RSPO2: variants seen among roughly 807,000 people sequenced by gnomAD.
RSPO2 encodes R-spondin-2.
RSPO2 carries 14 observed loss-of-function variants against 30.9 expected under a neutral mutation model. That is an observed-to-expected ratio of 0.45 (90% CI 0.30 to 0.71). The LOEUF is 0.71. Ranked by LOEUF, RSPO2 falls within the 30% of genes least tolerant of loss-of-function variation. RSPO2 has a pLI of 0.08. For missense variants in RSPO2, 264 were observed against 301.9 expected (o/e 0.87, Z 0.93); for synonymous variants, 107 against 96.4 (o/e 1.11, Z -0.64).
In RSPO2 at chr8:108,013,864, C is replaced by G. The variant is rs377075282; in HGVS notation, c.95-24620G>C. On this transcript the variant is annotated intron_variant, in intron 2 of 5. Transcript: ENST00000276659. ...AATTGACAAATGGGATCTAATAAAA[C>G]TAAAGAGCTTCTGCACAGCAAGAGA... Among the ~76,000 whole-genome samples the G allele has an allele frequency of 3.0e-4, 46 of 152,222 alleles. 1 individual carries two copies. In the South Asian group the frequency reaches 4.8e-3, roughly 16 times the overall value.
chr8:107,980,305 T>C (rs1814380211), intron 3 of RSPO2, among the ~76,000 whole-genome samples: 1 of 152,196 alleles, frequency 6.6e-6, no homozygotes, highest in African/African-American at 2.4e-5. Context: ...TAAGCTGTAT[T>C]AAGCAGGCTA....
chr8:108,080,384 G>A (rs1433742722), intron 2 of RSPO2, among the ~76,000 whole-genome samples: 1 of 152,058 alleles, frequency 6.6e-6, no homozygotes, highest in South Asian at 2.1e-4. Context: ...CAATTTACAC[G>A]TTCTTGAAAG....
chr8:108,070,334 G>A lies in RSPO2; in HGVS notation c.94+12211C>T, dbSNP rs373126770. ...AGAGTCTCGCTCTGTCGCCCAGGCC[G>A]GACTGCGGACTGCAGTGGTGCAATC... On this transcript the variant is annotated intron_variant, in intron 2 of 5. Coordinates refer to ENST00000276659, the MANE Select transcript of RSPO2 (RefSeq NM_178565.5). Among the ~76,000 whole-genome samples, 738 of 139,668 alleles carry A rather than the reference G, an allele frequency of 5.3e-3. 9 individuals are homozygous for A. The highest frequency in any genetic ancestry group is 0.019 in the African/African-American group (691 of 36,910). The allele number at this position is 139,668 out of a possible 152,430, so 91.6% of individuals were successfully genotyped here.
At chr8:107,917,966 T>A (rs1812030657) in intron 5 of RSPO2, among the ~76,000 whole-genome samples, 1 of 152,128 alleles carries the variant, frequency 6.6e-6, no homozygotes, top group Admixed American at 6.6e-5. Flanking sequence ...TTTTTATGGG[T>A]GCTATTGAAT....
rs1188201227 is a variant in RSPO2, at chr8:107,900,872, T to C, written c.*203A>G. On this transcript the variant is annotated 3_prime_UTR_variant, in exon 6 of 6. Coordinates refer to ENST00000276659, the MANE Select transcript of RSPO2 (RefSeq NM_178565.5). ...GCCAAGTCACGGGCTGTGCACTTAC[T>C]CCTGCCTTCACAGTCTCCAGATTCA... 2 of 520,374 alleles carry C rather than the reference T, an allele frequency of 3.8e-6. No individual in the cohort carries two copies. The highest frequency in any genetic ancestry group is 6.7e-6 in the Non-Finnish European group (2 of 299,210). The allele number at this position is 520,374 out of a possible 1,614,324, so 32.2% of individuals were successfully genotyped here. A position where few individuals can be genotyped will look rare whatever the true frequency, so the allele number is the denominator to read the frequency against.
At chr8:107,910,993 T>C (rs553484070) in intron 5 of RSPO2, among the ~76,000 whole-genome samples, 1 of 152,312 alleles carries the variant, frequency 6.6e-6, no homozygotes, top group African/African-American at 2.4e-5. Context: ...TACACTCATG[T>C]CAACTGAGAG....
At chr8:107,955,780 C>T (rs1040831457) in intron 5 of RSPO2, among the ~76,000 whole-genome samples, 1 of 152,166 alleles carries the variant, frequency 6.6e-6, no homozygotes, top group Non-Finnish European at 1.5e-5. Context: ...TTTTAATGTG[C>T]TGCTGCTTTA....
At chr8:107,956,685 AACCACAATTGGGGG>A in intron 5 of RSPO2, among the ~76,000 whole-genome samples, 1 of 152,270 alleles carries the variant, frequency 6.6e-6, no homozygotes, top group Admixed American at 6.5e-5. Context: ...TATTAATGTA[AACCACAATTGGGGG>A]ACCACATTGC....
chr8:108,073,742 T>A (rs1158069708), intron 2 of RSPO2, among the ~76,000 whole-genome samples: 1 of 152,260 alleles, frequency 6.6e-6, no homozygotes, highest in African/African-American at 2.4e-5. Flanking sequence ...TAACAACTAT[T>A]GTCTTTGAGT....
At chr8:107,987,749 C>T (rs113075164) in intron 3 of RSPO2, among the ~76,000 whole-genome samples, 2,150 of 152,200 alleles carry the variant, frequency 0.014, 37 homozygotes, top group African/African-American at 0.047. Flanking sequence ...ATTTATTTAA[C>T]CAGCCCCCAC....
chr8:107,904,700 G>A (rs1489615197), intron 5 of RSPO2, among the ~76,000 whole-genome samples: 3 of 152,042 alleles, frequency 2.0e-5, no homozygotes, highest in Non-Finnish European at 4.4e-5. Flanking sequence ...TAAGGCATAT[G>A]CCTGACTCTT....
intron 2 of RSPO2, among the ~76,000 whole-genome samples, chr8:108,061,520 C>A (rs965122742): frequency 1.3e-5 from 2 of 151,744 alleles, no homozygotes; most frequent in Non-Finnish European, 2.9e-5. Context: ...TACGGGAGCA[C>A]CCAGATTCAT....
chr8:107,945,198 A>G (rs1813018389), intron 5 of RSPO2, among the ~76,000 whole-genome samples: 1 of 146,958 alleles, frequency 6.8e-6, no homozygotes, highest in African/African-American at 2.5e-5. Flanking sequence ...TTGGTAACCA[A>G]TTCTTACAGA....
At chr8:108,020,630 C>T (rs779541747) in intron 2 of RSPO2, among the ~76,000 whole-genome samples, 4 of 152,134 alleles carry the variant, frequency 2.6e-5, no homozygotes, top group Non-Finnish European at 4.4e-5. Flanking sequence ...CTTTTTCATA[C>T]ATCTGTTTAT....
chr8:108,002,376 T>C (rs1815280432), intron 2 of RSPO2, among the ~76,000 whole-genome samples: 1 of 152,222 alleles, frequency 6.6e-6, no homozygotes, highest in Non-Finnish European at 1.5e-5. Flanking sequence ...ATACTTCTTA[T>C]ACTAACACAA....
At chr8:108,073,300 T>C (rs73309378) in intron 2 of RSPO2, among the ~76,000 whole-genome samples, 4,750 of 152,276 alleles carry the variant, frequency 0.031, 223 homozygotes, top group African/African-American at 0.1. Flanking sequence ...CCCACAAAAT[T>C]TCAGAGAACA....
intron 2 of RSPO2, among the ~76,000 whole-genome samples, chr8:108,004,573 T>C (rs1313752515): frequency 6.6e-6 from 1 of 152,208 alleles, no homozygotes; most frequent in Non-Finnish European, 1.5e-5. Context: ...GTCTCCTCCA[T>C]CTTCTCCAAT....
intron 5 of RSPO2, among the ~76,000 whole-genome samples, chr8:107,942,692 C>T (rs1489466232): frequency 6.6e-6 from 1 of 152,034 alleles, no homozygotes; most frequent in East Asian, 1.9e-4. Context: ...TACACATTTG[C>T]TTTTTCTAGT....
At position 108,023,194 on chromosome 8, in the gene RSPO2, C is replaced by T. The variant is rs185147905; in HGVS notation, c.95-33950G>A. Among the ~76,000 whole-genome samples the T allele has an allele frequency of 6.3e-3, 964 of 152,256 alleles. 13 individuals are homozygous for T. Among genetic ancestry groups the T allele is most frequent in the African/African-American group, 0.021 (874 of 41,542 alleles). ...TTCATACTGCTATTGGTTTACTCTT[C>T]AGAAATACTAAGAACAATCTCTCTT... On this transcript the variant is annotated intron_variant, in intron 2 of 5. Transcript: ENST00000276659.
Sources: allele counts gnomAD v4.1 joint callset (sites outside exome capture counted in the v4.1 genomes callset), GRCh38; gene constraint gnomAD v4.1.1; transcripts MANE v1.5; gene names NCBI Gene and HGNC (gene_info 2026-07-23, HGNC 2026-07-21).